SPNS2: variants seen among roughly 807,000 people sequenced by gnomAD.
SPNS2 encodes sphingosine-1-phosphate transporter SPNS2.
Under a neutral mutation model 57.6 loss-of-function variants are expected in SPNS2, and 37 were observed. The ratio of observed to expected loss-of-function variants is 0.64; its 90% CI spans 0.49 to 0.85. SPNS2 has a LOEUF of 0.85. Among genes scored for constraint, SPNS2 ranks in the 40% least tolerant of loss-of-function variants. SPNS2 has a pLI of 0.00. For missense variants in SPNS2, 831 were observed against 779.1 expected, an observed-to-expected ratio of 1.07 and a Z score of -0.79; for synonymous variants, 440 against 346.9, an observed-to-expected ratio of 1.27 and a Z score of -2.98.
chr17:4,519,061 C>T (rs956057837), intron 2 of SPNS2, among the ~76,000 whole-genome samples: 4 of 152,202 alleles, frequency 2.6e-5, no homozygotes, highest in East Asian at 1.9e-4. Context: ...CAGCCCAGGC[C>T]GTCCCTTGGA....
rs548328440 is a variant in SPNS2 at position 4,511,844 on chromosome 17, C to T, written c.371-1403C>T. ...TTGCTCAGGATTCCAACCTGGGTCT[C>T]GGAAGGGACAGTGACGTTCCAGCCT... On this transcript the variant is annotated intron_variant, in intron 1 of 12. Transcript: ENST00000329078. The surrounding 1 kb of genome is among the most constrained non-coding windows in gnomAD (Gnocchi z 4.6). 4.6e-4 allele frequency among the ~76,000 whole-genome samples: 70 copies of T among 152,288 alleles called. 1 individual carries two copies. The South Asian group carries it at 0.012, about 26-fold the overall frequency.
At position 4,499,465 on chromosome 17, in the gene SPNS2, C is replaced by A; in HGVS notation, c.370+48C>A. 8.4e-7 allele frequency: 1 copy of A among 1,196,674 alleles called. No homozygotes were observed. The highest frequency in any genetic ancestry group is 1.1e-6 in the Non-Finnish European group (1 of 928,548). The allele number at this position is 1,196,674 out of a possible 1,614,324, so 74.1% of individuals were successfully genotyped here. On this transcript the variant is annotated intron_variant, in intron 1 of 12. Transcript: ENST00000329078. The surrounding 1 kb of genome is among the most constrained non-coding windows in gnomAD (Gnocchi z 5.2). Reference sequence around the variant, plus strand: ...CCGAGGACCAAGACCCCACCCCATCCCACCACCCGCCTCGAGGGAGGTACC... The same window carrying A: ...CCGAGGACCAAGACCCCACCCCATCACACCACCCGCCTCGAGGGAGGTACC...
chr17:4,516,666 G>A (rs989709996), intron 2 of SPNS2, among the ~76,000 whole-genome samples: 17 of 152,368 alleles, frequency 1.1e-4, no homozygotes, highest in African/African-American at 3.8e-4. Context: ...GTTAGAGTTT[G>A]TAGTCAGTGT....
intron 2 of SPNS2, among the ~76,000 whole-genome samples, chr17:4,524,318 T>TCTC (rs1393002953): frequency 6.6e-6 from 1 of 152,142 alleles, no homozygotes; most frequent in Admixed American, 6.5e-5. Context: ...TCACTCTCCC[T>TCTC]CTGAGTCTGT....
intron 2 of SPNS2, among the ~76,000 whole-genome samples, chr17:4,516,243 G>A (rs553778244): frequency 2.0e-5 from 3 of 149,386 alleles, no homozygotes; most frequent in Non-Finnish European, 4.4e-5. Flanking sequence ...GAAGCCAGGA[G>A]GCGGAGATTG....
Position 4,535,842 on chromosome 17 carries a change from G to A in SPNS2, c.1345-234G>A, listed in dbSNP as rs150243635. 1.0e-3 allele frequency among the ~76,000 whole-genome samples: 156 copies of A among 151,704 alleles called. 1 individual carries two copies. The highest frequency in any genetic ancestry group is 3.6e-3 in the African/African-American group (147 of 41,234). On this transcript the variant is annotated intron_variant, in intron 9 of 12. Transcript: ENST00000329078. ...GGTGACTGCAGCTGTGTGTGGGTGG[G>A]AGGGGCTCAGGGAGGAGAAGGGTGA... is the stretch of plus-strand genomic sequence containing the variant.
At chr17:4,533,932 G>GTTGGGGGGT in intron 9 of SPNS2, 79 bp downstream of exon 9, 1 of 916,438 alleles carries the variant, frequency 1.1e-6, no homozygotes, top group Admixed American at 1.8e-5. Flanking sequence ...GGGAGGGCGG[G>GTTGGGGGGT]TGAAGGGGCG....
intron 2 of SPNS2, among the ~76,000 whole-genome samples, chr17:4,524,573 A>G (rs921888463): frequency 6.6e-6 from 1 of 152,176 alleles, no homozygotes; most frequent in African/African-American, 2.4e-5. Context: ...AATGCCAGCT[A>G]CTCAGGAGGC....
At chr17:4,517,275 T>A (rs1481869124) in intron 2 of SPNS2, among the ~76,000 whole-genome samples, 1 of 152,114 alleles carries the variant, frequency 6.6e-6, no homozygotes, top group Non-Finnish European at 1.5e-5. Context: ...CAGAAGCAAA[T>A]CCCAAACCAT....
Position 4,532,951 on chromosome 17 carries a change from A to C in SPNS2, c.936-26A>C. On this transcript the variant is annotated intron_variant, in intron 6 of 12. Transcript: ENST00000329078. The stretch of plus-strand genomic sequence containing the variant: ...GGGGGTGAAGGAGGTCCCTGAGCTC[A>C]GTGTCACTGCCTGGCCTCTCCCCAG... 3.1e-6 allele frequency: 5 copies of C among 1,598,904 alleles called. No homozygotes were observed. In the South Asian group the frequency reaches 5.6e-5, roughly 18 times the overall value.
chr17:4,516,324 A>ACC (rs1904987867), intron 2 of SPNS2, among the ~76,000 whole-genome samples: 2 of 111,010 alleles, frequency 1.8e-5, no homozygotes, highest in African/African-American at 7.2e-5. Context: ...CCCAAAAAAA[A>ACC]AAAAAAAAAA....
intron 1 of SPNS2, among the ~76,000 whole-genome samples, chr17:4,500,086 C>T (rs529104117): frequency 6.6e-6 from 1 of 152,154 alleles, no homozygotes; most frequent in Non-Finnish European, 1.5e-5. Flanking sequence ...GGAGACGCCT[C>T]CCCCTGCTCT....
intron 2 of SPNS2, among the ~76,000 whole-genome samples, chr17:4,520,615 G>A (rs767988106): frequency 3.9e-5 from 6 of 152,088 alleles, no homozygotes; most frequent in Non-Finnish European, 5.9e-5. Flanking sequence ...AGCATCCTCA[G>A]GCCATGGCCT....
chr17:4,508,959 G>C (rs550695787), intron 1 of SPNS2, among the ~76,000 whole-genome samples: 25 of 152,356 alleles, frequency 1.6e-4, no homozygotes, highest in Non-Finnish European at 3.4e-4. Flanking sequence ...TGTGAGATCA[G>C]GCAGCAGGAG....
At chr17:4,505,829 G>T (rs548311382) in intron 1 of SPNS2, among the ~76,000 whole-genome samples, 1 of 152,144 alleles carries the variant, frequency 6.6e-6, no homozygotes, top group Non-Finnish European at 1.5e-5. Context: ...CCTGCCTCCC[G>T]CTTTCCTCTG....
intron 2 of SPNS2, among the ~76,000 whole-genome samples, chr17:4,518,469 G>A (rs1905053637): frequency 6.6e-6 from 1 of 152,250 alleles, no homozygotes; most frequent in Non-Finnish European, 1.5e-5. Context: ...CTTGCAGTGA[G>A]CCGAGATCGC....
rs1166233110 is a variant in SPNS2 at position 4,525,204 on chromosome 17, G to A, written c.573+11G>A. The A allele has an allele frequency of 6.2e-7, 1 of 1,613,466 alleles. No individual in the cohort carries two copies. Among genetic ancestry groups the A allele is most frequent in the Admixed American group, 1.7e-5 (1 of 60,002 alleles). The stretch of plus-strand genomic sequence containing the variant: ...TTCATTCCCCAGCAGGTGAGGCCCG[G>A]CTCGGCTTCTCCCCGACCCCTGTGT... On this transcript the variant is annotated intron_variant, in intron 3 of 12. Transcript: ENST00000329078.
chr17:4,500,957 C>T (rs981586840), intron 1 of SPNS2, among the ~76,000 whole-genome samples: 2 of 152,162 alleles, frequency 1.3e-5, no homozygotes, highest in Admixed American at 1.3e-4. Flanking sequence ...CTCCCAAAAA[C>T]GCCAGCCGCT....
intron 3 of SPNS2, among the ~76,000 whole-genome samples, chr17:4,526,332 A>G (rs1334425955): frequency 1.3e-5 from 2 of 152,070 alleles, no homozygotes; most frequent in African/African-American, 4.8e-5. Flanking sequence ...GCCAGGTGTG[A>G]TGGTTCATGC....
Sources: gnomAD v4.1 joint callset for allele counts (sites outside exome capture counted in the v4.1 genomes callset) on GRCh38, gnomAD v4.1.1 for gene constraint, Gnocchi (gnomAD v3.1) non-coding constraint, MANE v1.5 for transcripts, NCBI Gene and HGNC (gene_info 2026-07-23, HGNC 2026-07-21) for gene names.